Variants in G3BP2 observed in about 807,000 individuals in gnomAD.
G3BP2 encodes ras GTPase-activating protein-binding protein 2.
A neutral mutation model predicts 56.7 loss-of-function variants in G3BP2; 11 were observed. That is an observed-to-expected ratio of 0.19 (90% CI 0.12 to 0.32). G3BP2 has a LOEUF of 0.32. G3BP2 is among the 10% of genes least tolerant of loss of function. The probability of loss-of-function intolerance (pLI) is 1.00; values close to 1 mark genes in which losing one functional copy is unlikely to be tolerated. For missense variants in G3BP2, 340 were observed against 610.9 expected, an observed-to-expected ratio of 0.56 and a Z score of 4.67; for synonymous variants, 165 against 191.6, an observed-to-expected ratio of 0.86 and a Z score of 1.15.
At chr4:75,655,994 T>A in intron 5 of G3BP2, 124 bp from the exon 6 acceptor site, 1 of 164,518 alleles carries the variant, frequency 6.1e-6, no homozygotes, top group Non-Finnish European at 1.3e-5. Flanking sequence ...TTTTCTTTCC[T>A]TTTTTTTTTT....
chr4:75,688,762 GT>G (rs1402331804), intron 3 of G3BP2, among the ~76,000 whole-genome samples: 1 of 152,184 alleles, frequency 6.6e-6, no homozygotes, highest in African/African-American at 2.4e-5. Context: ...ACTTTGCCAT[GT>G]TTAGCAAGAA....
At chr4:75,659,277 T>C (rs964810680) in intron 2 of G3BP2, among the ~76,000 whole-genome samples, 5 of 152,308 alleles carry the variant, frequency 3.3e-5, no homozygotes, top group Middle Eastern at 3.4e-3. Flanking sequence ...GCTATAGTAA[T>C]TGACCCTGTT....
At chr4:75,694,922 G>C in intron 3 of G3BP2, 1 of 985,664 alleles carries the variant, frequency 1.0e-6, no homozygotes, top group Non-Finnish European at 1.2e-6. Flanking sequence ...ATAAGGACAT[G>C]AAGGAAACTG....
intron 3 of G3BP2, among the ~76,000 whole-genome samples, chr4:75,697,273 CA>C (rs869037819): frequency 0.024 from 694 of 28,816 alleles, no homozygotes; most frequent in African/African-American, 0.071. Context: ...GACTCTGTCT[CA>C]AAAAAAAAAA....
chr4:75,692,362 A>T (rs1335113025), intron 3 of G3BP2, among the ~76,000 whole-genome samples: 1 of 151,782 alleles, frequency 6.6e-6, no homozygotes, highest in Non-Finnish European at 1.5e-5. Context: ...CCCAGGCTGG[A>T]GTGCAGTGGT....
chr4:75,698,669 C>T (rs1241953118), intron 3 of G3BP2, among the ~76,000 whole-genome samples: 3 of 152,060 alleles, frequency 2.0e-5, no homozygotes, highest in Admixed American at 1.3e-4. Flanking sequence ...GGGACTTCAC[C>T]ACATACTTAC....
At chr4:75,683,365 C>T (rs1734156991) in intron 3 of G3BP2, among the ~76,000 whole-genome samples, 1 of 152,034 alleles carries the variant, frequency 6.6e-6, no homozygotes, top group South Asian at 2.1e-4. Context: ...AATTTGAGAC[C>T]AGCCTGGCCA....
At chr4:75,678,549 G>A (rs1458420775) in intron 3 of G3BP2, among the ~76,000 whole-genome samples, 1 of 152,186 alleles carries the variant, frequency 6.6e-6, no homozygotes, top group African/African-American at 2.4e-5. Context: ...GCACAATGGG[G>A]TATGCTTGTT....
chr4:75,688,986 C>T (rs1718737322), intron 3 of G3BP2, among the ~76,000 whole-genome samples: 1 of 152,052 alleles, frequency 6.6e-6, no homozygotes, highest in South Asian at 2.1e-4. Context: ...ACTCATTAGT[C>T]TTTCCTCCTA....
intron 3 of G3BP2, among the ~76,000 whole-genome samples, chr4:75,715,872 C>T (rs1051922097): frequency 2.6e-5 from 4 of 152,176 alleles, no homozygotes; most frequent in African/African-American, 9.7e-5. Context: ...ATTTATTACA[C>T]CATAAATACC....
intron 3 of G3BP2, among the ~76,000 whole-genome samples, chr4:75,701,213 A>G (rs954195002): frequency 1.3e-5 from 2 of 152,200 alleles, no homozygotes; most frequent in Non-Finnish European, 1.5e-5. Context: ...GCAAAAAGGA[A>G]TCTTGTTGAC....
At chr4:75,699,673 A>G (rs1398706940) in intron 3 of G3BP2, among the ~76,000 whole-genome samples, 1 of 152,184 alleles carries the variant, frequency 6.6e-6, no homozygotes, top group African/African-American at 2.4e-5. Flanking sequence ...AAACTAATAT[A>G]TTTCAGATCT....
intron 3 of G3BP2, among the ~76,000 whole-genome samples, chr4:75,686,630 G>A (rs1229390948): frequency 1.3e-5 from 2 of 152,020 alleles, no homozygotes; most frequent in African/African-American, 4.8e-5. Context: ...AAGCAATTCA[G>A]TATTACCACA....
At chr4:75,720,071 C>T (rs1028332996) in intron 3 of G3BP2, among the ~76,000 whole-genome samples, 1 of 135,698 alleles carries the variant, frequency 7.4e-6, no homozygotes, top group Admixed American at 7.8e-5. Flanking sequence ...GGCTGGAGTG[C>T]AGTGGCACAA....
chr4:75,648,365 C>CA (rs35170246), intron 9 of G3BP2, among the ~76,000 whole-genome samples: 41 of 142,564 alleles, frequency 2.9e-4, no homozygotes, highest in East Asian at 6.2e-4. Context: ...AACAAACAAA[C>CA]AAAAAAAAAA....
chr4:75,693,290 G>A (rs967958802), intron 3 of G3BP2, among the ~76,000 whole-genome samples: 2 of 152,062 alleles, frequency 1.3e-5, no homozygotes, highest in African/African-American at 4.8e-5. Context: ...CAAAAATCCA[G>A]ATGTCTAGCT....
At chr4:75,662,646 C>T (rs1732656976) in intron 1 of G3BP2, 1 of 152,198 alleles carries the variant, frequency 6.6e-6, no homozygotes, top group Non-Finnish European at 1.5e-5. Context: ...AGGTAACCTC[C>T]AACATTTGTG....
intron 3 of G3BP2, among the ~76,000 whole-genome samples, chr4:75,709,443 C>CCTACTA (rs1719674868): frequency 1.4e-5 from 1 of 72,352 alleles, no homozygotes; most frequent in Non-Finnish European, 2.9e-5. Flanking sequence ...AAAAAAAAAA[C>CCTACTA]CTACTACGAA....
chr4:75,717,793 A>G (rs1480892105), intron 3 of G3BP2, among the ~76,000 whole-genome samples: 1 of 152,158 alleles, frequency 6.6e-6, no homozygotes, highest in Non-Finnish European at 1.5e-5. Context: ...TCTCCACAAG[A>G]AACAGTGCTA....
Sources: gnomAD v4.1 joint callset for allele counts (sites outside exome capture counted in the v4.1 genomes callset) on GRCh38, gnomAD v4.1.1 for gene constraint, MANE v1.5 for transcripts, NCBI Gene and HGNC (gene_info 2026-07-23, HGNC 2026-07-21) for gene names.